MECOM: variants seen among roughly 807,000 people sequenced by gnomAD.
The protein encoded by MECOM is histone-lysine N-methyltransferase MECOM.
In MECOM, 13 loss-of-function variants were observed where a neutral mutation model predicts 116.3. That is an observed-to-expected ratio of 0.11 (90% CI 0.07 to 0.18). MECOM has a LOEUF of 0.18. Among genes scored for constraint, MECOM ranks in the 10% least tolerant of loss-of-function variants. The probability of loss-of-function intolerance (pLI) is 1.00; values close to 1 mark genes in which losing one functional copy is unlikely to be tolerated. For synonymous variants in MECOM, 528 were observed against 535.2 expected (o/e 0.99, Z 0.19); for missense variants, 1,299 against 1,509.0 (o/e 0.86, Z 2.31).
intron 1 of MECOM, among the ~76,000 whole-genome samples, chr3:169,624,777 C>T (rs1771156283): frequency 1.3e-5 from 2 of 152,128 alleles, no homozygotes; most frequent in African/African-American, 2.4e-5. Context: ...GACCCTCCCT[C>T]GAGGTAGCCA....
At chr3:169,350,014 G>A (rs554235808) in intron 2 of MECOM, among the ~76,000 whole-genome samples, 31 of 151,968 alleles carry the variant, frequency 2.0e-4, no homozygotes, top group Admixed American at 1.6e-3. Context: ...ATAAAAATAT[G>A]ATAGAGTCTA....
At chr3:169,290,218 C>T (rs1464043805) in intron 2 of MECOM, among the ~76,000 whole-genome samples, 3 of 151,994 alleles carry the variant, frequency 2.0e-5, no homozygotes, top group Admixed American at 2.0e-4. Context: ...AGTCTCTGTA[C>T]ATTATGGGGC....
chr3:169,483,200 TTA>T (rs745343951), intron 1 of MECOM, among the ~76,000 whole-genome samples: 4,620 of 122,162 alleles, frequency 0.038, 71 homozygotes, highest in Non-Finnish European at 0.048. Flanking sequence ...ATTTTTATTT[TTA>T]TTTTTTTTTT....
In MECOM at chr3:169,400,411, A is replaced by G. The variant is rs143706493; in HGVS notation, c.38-18887T>C. 5.7e-3 allele frequency among the ~76,000 whole-genome samples: 873 copies of G among 152,322 alleles called. 8 individuals are homozygous for G. The highest frequency in any genetic ancestry group is 0.02 in the African/African-American group (842 of 41,574). ...TCTAAGCAGCTAACTCATGTATACT[A>G]AACAAATTTGGCTTGGCTGCTGTGA... is the stretch of plus-strand genomic sequence containing the variant. On this transcript the variant is annotated intron_variant, in intron 1 of 16. Transcript: ENST00000651503.
intron 2 of MECOM, among the ~76,000 whole-genome samples, chr3:169,303,649 G>A (rs776412070): frequency 3.0e-4 from 45 of 152,134 alleles, no homozygotes; most frequent in Non-Finnish European, 5.4e-4. Flanking sequence ...CCAAAGTTGT[G>A]AGTATCCAAT....
At chr3:169,284,555 T>G (rs955828998) in intron 2 of MECOM, among the ~76,000 whole-genome samples, 2 of 151,820 alleles carry the variant, frequency 1.3e-5, no homozygotes, top group Non-Finnish European at 2.9e-5. Flanking sequence ...ACATCCTTTT[T>G]TTAAAGTATA....
At chr3:169,381,647 G>A (rs1434326892) in intron 1 of MECOM, 123 bp from the exon 2 acceptor site, 2 of 740,076 alleles carry the variant, frequency 2.7e-6, no homozygotes. Flanking sequence ...GTTACGATGT[G>A]CCTTCATTAA....
chr3:169,258,729 C>T (rs1560054990), intron 2 of MECOM, among the ~76,000 whole-genome samples: 1 of 152,204 alleles, frequency 6.6e-6, no homozygotes, highest in Non-Finnish European at 1.5e-5. Flanking sequence ...GATCAGTAGG[C>T]TGTATTTTTC....
At chr3:169,388,612 C>A (rs1733752781) in intron 1 of MECOM, among the ~76,000 whole-genome samples, 1 of 152,182 alleles carries the variant, frequency 6.6e-6, no homozygotes, top group Non-Finnish European at 1.5e-5. Context: ...GCTTAGAAAA[C>A]AGAGACATTG....
chr3:169,639,504 T>C (rs568354820), intron 1 of MECOM, among the ~76,000 whole-genome samples: 1 of 152,280 alleles, frequency 6.6e-6, no homozygotes, highest in African/African-American at 2.4e-5. Flanking sequence ...ACATTAAGAA[T>C]AATAGAACCA....
chr3:169,416,712 C>G (rs1331947608), intron 1 of MECOM, among the ~76,000 whole-genome samples: 1 of 151,916 alleles, frequency 6.6e-6, no homozygotes, highest in Non-Finnish European at 1.5e-5. Flanking sequence ...CACCACTGAC[C>G]CCATAGAAAT....
intron 1 of MECOM, among the ~76,000 whole-genome samples, chr3:169,433,413 AGC>A (rs1741970549): frequency 1.3e-5 from 2 of 152,088 alleles, no homozygotes; most frequent in African/African-American, 4.8e-5. Context: ...GGTTGCAGTG[AGC>A]AGAGATCACG....
intron 2 of MECOM, among the ~76,000 whole-genome samples, chr3:169,343,541 GA>G (rs571557966): frequency 9.2e-5 from 14 of 151,942 alleles, no homozygotes; most frequent in East Asian, 7.7e-4. Flanking sequence ...TTTTAAAAAA[GA>G]AAAAAAGTCT....
chr3:169,512,477 G>A (rs1167606692), intron 1 of MECOM, among the ~76,000 whole-genome samples: 1 of 152,080 alleles, frequency 6.6e-6, no homozygotes, highest in Admixed American at 6.5e-5. Context: ...CTCCTCCAGG[G>A]TCCTTCTCCC....
chr3:169,241,506 A>G (rs921953672), intron 2 of MECOM, among the ~76,000 whole-genome samples: 1 of 152,188 alleles, frequency 6.6e-6, no homozygotes, highest in Non-Finnish European at 1.5e-5. Flanking sequence ...TTGTTTATGG[A>G]ATGTACCTTA....
intron 2 of MECOM, among the ~76,000 whole-genome samples, chr3:169,272,691 A>G (rs1759100758): frequency 6.6e-6 from 1 of 152,122 alleles, no homozygotes. Flanking sequence ...AGAAAGGGAG[A>G]AAGCAAATCA....
intron 1 of MECOM, among the ~76,000 whole-genome samples, chr3:169,403,887 C>G (rs764790565): frequency 6.6e-6 from 1 of 152,092 alleles, no homozygotes; most frequent in Non-Finnish European, 1.5e-5. Context: ...AACTGATGAA[C>G]ATAATAAAAT....
In MECOM at chr3:169,095,209, A is replaced by C; in HGVS notation, c.2886T>G (p.Ser962=). The C allele has an allele frequency of 4.3e-6, 7 of 1,613,260 alleles. No individual in the cohort carries two copies. Among genetic ancestry groups the C allele is most frequent in the Non-Finnish European group, 5.9e-6 (7 of 1,179,672 alleles). ...KYCDRSFSIS[S]NLQRHVRNIH... ...TGTTGCGAACATGCCTTTGCAAGTTAGAAGATATGCTAAATGATCTGTCAC... is the reference window on the plus strand; with the variant it reads ...TGTTGCGAACATGCCTTTGCAAGTTCGAAGATATGCTAAATGATCTGTCAC... The change falls in exon 13 of 17, where the codon TCT becomes TCG. Residue 962 remains serine (S), a synonymous_variant. Coordinates refer to ENST00000651503, the MANE Select transcript of MECOM (RefSeq NM_004991.4).
Position 169,117,403 on chromosome 3 carries a change from C to T in MECOM, c.1133-664G>A, listed in dbSNP as rs1485037800. 2.0e-5 allele frequency among the ~76,000 whole-genome samples: 3 copies of T among 152,298 alleles called. No homozygotes were observed. In the South Asian group the frequency reaches 6.2e-4, roughly 32 times the overall value. ...GAAAGACTGACATAATTTACAATGGCTCTATTTTAAGCCTGCAAAGGAAAC... is the reference window on the plus strand; with the variant it reads ...GAAAGACTGACATAATTTACAATGGTTCTATTTTAAGCCTGCAAAGGAAAC... On this transcript the variant is annotated intron_variant, in intron 7 of 16. Transcript: ENST00000651503.
Sources: gnomAD v4.1 joint callset for allele counts (sites outside exome capture counted in the v4.1 genomes callset) on GRCh38, gnomAD v4.1.1 for gene constraint, MANE v1.5 for transcripts, NCBI Gene and HGNC (gene_info 2026-07-23, HGNC 2026-07-21) for gene names.